Variants in VRK2 observed in about 807,000 individuals in gnomAD.
The protein encoded by VRK2 is VRK serine/threonine kinase 2.
A neutral mutation model predicts 57.6 loss-of-function variants in VRK2; 60 were observed. The ratio of observed to expected loss-of-function variants is 1.04; its 90% CI spans 0.85 to 1.29. The LOEUF is 1.29. VRK2 is among the 50% of genes most tolerant of loss of function. VRK2 has a pLI of 0.00. For synonymous variants in VRK2, 231 were observed against 199.2 expected, an observed-to-expected ratio of 1.16 and a Z score of -1.35; for missense variants, 705 against 588.1, an observed-to-expected ratio of 1.20 and a Z score of -2.06.
At chr2:57,977,457 G>C (rs960795122) in intron 1 of VRK2, among the ~76,000 whole-genome samples, 1 of 151,852 alleles carries the variant, frequency 6.6e-6, no homozygotes, top group South Asian at 2.1e-4. Flanking sequence ...TGTATTCCTG[G>C]GTATTTTTTT....
chr2:58,003,371 G>A (rs1673146012), intron 1 of VRK2, among the ~76,000 whole-genome samples: 1 of 151,544 alleles, frequency 6.6e-6, no homozygotes, highest in African/African-American at 2.4e-5. Flanking sequence ...ACATTTTTTT[G>A]TTTTTAAAAC....
At chr2:57,945,544 A>G (rs956905292) in intron 1 of VRK2, among the ~76,000 whole-genome samples, 1 of 152,210 alleles carries the variant, frequency 6.6e-6, no homozygotes, top group African/African-American at 2.4e-5. Context: ...TCATCATGCT[A>G]TTCACTCTAC....
At chr2:58,032,699 A>G (rs1232637609) in intron 2 of VRK2, among the ~76,000 whole-genome samples, 3 of 152,122 alleles carry the variant, frequency 2.0e-5, no homozygotes, top group African/African-American at 7.2e-5. Flanking sequence ...GATAGGATAG[A>G]ATGTCCTTCA....
intron 8 of VRK2, among the ~76,000 whole-genome samples, chr2:58,128,622 G>A (rs574019854): frequency 5.3e-5 from 8 of 152,250 alleles, no homozygotes; most frequent in South Asian, 2.1e-4. Flanking sequence ...ATGAGCCACC[G>A]CGCCTGGCAA....
rs180729368 is a variant in VRK2, at chr2:57,966,917, C to G, written c.-438-58748C>G. Among the ~76,000 whole-genome samples the G allele has an allele frequency of 5.1e-3, 782 of 152,048 alleles. 4 individuals carry two copies. Among genetic ancestry groups the G allele is most frequent in the African/African-American group, 0.018 (746 of 41,446 alleles). On this transcript the variant is annotated intron_variant, in intron 1 of 15. Transcript: ENST00000417641. ...GTAGAATGGTTAGTAGTGAACCAGACAGTAGTGAAGGTCTAGAGAGAAGGA... is the reference window on the plus strand; with the variant it reads ...GTAGAATGGTTAGTAGTGAACCAGAGAGTAGTGAAGGTCTAGAGAGAAGGA...
intron 1 of VRK2, among the ~76,000 whole-genome samples, chr2:58,021,830 C>T (rs758115419): frequency 1.2e-4 from 19 of 152,140 alleles, no homozygotes; most frequent in Non-Finnish European, 2.5e-4. Context: ...CTTTGTAAGC[C>T]TGGAAAATAT....
At chr2:58,057,765 A>T (rs138111508) in intron 2 of VRK2, among the ~76,000 whole-genome samples, 1 of 152,042 alleles carries the variant, frequency 6.6e-6, no homozygotes, top group Non-Finnish European at 1.5e-5. Context: ...AGCTTTTGTT[A>T]TGGTTTCTGG....
At chr2:58,058,432 A>G (rs1284103502) in intron 2 of VRK2, 3 of 470,558 alleles carry the variant, frequency 6.4e-6, no homozygotes, top group South Asian at 4.7e-5. Context: ...AGCAAGAGCA[A>G]TCGGAAGCTT....
chr2:58,065,780 A>G (rs1456190952), intron 2 of VRK2, among the ~76,000 whole-genome samples: 1 of 152,076 alleles, frequency 6.6e-6, no homozygotes, highest in African/African-American at 2.4e-5. Context: ...CTGATTTCTT[A>G]TATCAGCTTT....
At chr2:58,020,751 C>T (rs1018923967) in intron 1 of VRK2, among the ~76,000 whole-genome samples, 1 of 152,172 alleles carries the variant, frequency 6.6e-6, no homozygotes, top group Non-Finnish European at 1.5e-5. Flanking sequence ...TTAAAGTGCA[C>T]ATATTATCTT....
chr2:57,983,440 A>G (rs527783815), intron 1 of VRK2, among the ~76,000 whole-genome samples: 1 of 152,276 alleles, frequency 6.6e-6, no homozygotes, highest in East Asian at 1.9e-4. Context: ...TTTTTTATGT[A>G]AGATAACATA....
intron 1 of VRK2, among the ~76,000 whole-genome samples, chr2:57,972,995 T>C (rs1672142691): frequency 6.6e-6 from 1 of 151,950 alleles, no homozygotes; most frequent in African/African-American, 2.4e-5. Flanking sequence ...CTTGTGAACA[T>C]GCCTTTTCAT....
intron 7 of VRK2, among the ~76,000 whole-genome samples, chr2:58,117,703 C>A (rs917581597): frequency 6.6e-6 from 1 of 152,072 alleles, no homozygotes; most frequent in African/African-American, 2.4e-5. Flanking sequence ...TTGAAAGTGC[C>A]ATTTTCCGGT....
chr2:58,002,353 C>T (rs915202579), intron 1 of VRK2, among the ~76,000 whole-genome samples: 3 of 152,054 alleles, frequency 2.0e-5, no homozygotes, highest in Non-Finnish European at 4.4e-5. Context: ...TGGCATGCAC[C>T]TATAATCCCA....
chr2:58,002,566 A>G (rs1459237576), intron 1 of VRK2, among the ~76,000 whole-genome samples: 1 of 152,214 alleles, frequency 6.6e-6, no homozygotes, highest in Non-Finnish European at 1.5e-5. Flanking sequence ...GATCACCATA[A>G]GCTGAAACTG....
chr2:57,941,990 T>C (rs1671110395), intron 1 of VRK2, among the ~76,000 whole-genome samples: 1 of 152,230 alleles, frequency 6.6e-6, no homozygotes, highest in African/African-American at 2.4e-5. Flanking sequence ...GGGGATGGCA[T>C]GTCTTAATTG....
rs371409919 is a variant in VRK2 at position 58,159,542 on chromosome 2, C to G, written c.1376C>G (p.Thr459Arg). 2.5e-6 allele frequency: 4 copies of G among 1,613,748 alleles called. No homozygotes were observed. In the South Asian group the frequency reaches 4.4e-5, roughly 18 times the overall value. The change falls in exon 13 of 13, where the codon ACG (threonine) becomes AGG (arginine). Residue 459 changes from threonine (T) to arginine (R), a missense_variant. Thr to Arg is a moderately conservative substitution (Grantham distance 71). Coordinates refer to ENST00000340157, the MANE Select transcript of VRK2 (RefSeq NM_006296.7). ...SWYKYTSTVS[T>R]GITDLESSTG... ...TATAAATACACTTCCACAGTCAGCA[C>G]GGGGATCACAGACTTAGAAAGTTCA...
intron 7 of VRK2, among the ~76,000 whole-genome samples, chr2:58,096,676 C>T (rs1205297730): frequency 4.0e-5 from 6 of 151,766 alleles, no homozygotes; most frequent in Admixed American, 6.6e-5. Flanking sequence ...TCAATTTTGA[C>T]TCATTAATGA....
intron 1 of VRK2, among the ~76,000 whole-genome samples, chr2:58,017,135 C>T (rs1673609470): frequency 6.6e-6 from 1 of 152,180 alleles, no homozygotes; most frequent in Non-Finnish European, 1.5e-5. Flanking sequence ...AAACCCTCCA[C>T]TTTGGTAAGA....
Sources: gnomAD v4.1 joint callset for allele counts (sites outside exome capture counted in the v4.1 genomes callset) on GRCh38, gnomAD v4.1.1 for gene constraint, MANE v1.5 for transcripts, NCBI Gene and HGNC (gene_info 2026-07-23, HGNC 2026-07-21) for gene names.